Variants in ATG10 observed in about 807,000 individuals in gnomAD.
ATG10 encodes ubiquitin-like-conjugating enzyme ATG10.
In ATG10, 30 loss-of-function variants were observed where a neutral mutation model predicts 32.1. The observed-to-expected ratio is 0.94, with a 90% CI of 0.70 to 1.27. The LOEUF is 1.27. ATG10 is among the 50% of genes most tolerant of loss of function. ATG10 has a pLI of 0.00. For synonymous variants in ATG10, 87 were observed against 91.5 expected (o/e 0.95, Z 0.28); for missense variants, 233 against 262.3 (o/e 0.89, Z 0.77).
chr5:82,083,383 C>G (rs1201557410), intron 3 of ATG10, among the ~76,000 whole-genome samples: 1 of 152,216 alleles, frequency 6.6e-6, no homozygotes, highest in African/African-American at 2.4e-5. Context: ...CTGCCTGCCT[C>G]TGTAGACTCC....
intron 5 of ATG10, among the ~76,000 whole-genome samples, chr5:82,191,380 T>C (rs1744654047): frequency 6.6e-6 from 1 of 152,206 alleles, no homozygotes; most frequent in Non-Finnish European, 1.5e-5. Context: ...AGGGCTGGGC[T>C]TTTCTTTGTA....
intron 2 of ATG10, among the ~76,000 whole-genome samples, chr5:82,007,311 A>C (rs1224815607): frequency 4.6e-5 from 7 of 152,210 alleles, no homozygotes; most frequent in Admixed American, 3.9e-4. Context: ...TTATTTCTGA[A>C]ATACATTATT....
intron 5 of ATG10, among the ~76,000 whole-genome samples, chr5:82,212,065 C>T (rs914761446): frequency 2.6e-5 from 4 of 152,196 alleles, no homozygotes; most frequent in Non-Finnish European, 4.4e-5. Flanking sequence ...TTCTATTCCC[C>T]TCCTCTAGTA....
chr5:82,245,594 T>C (rs1402958707), intron 5 of ATG10, among the ~76,000 whole-genome samples: 1 of 152,190 alleles, frequency 6.6e-6, no homozygotes, highest in Non-Finnish European at 1.5e-5. Context: ...TAGGCTTAAA[T>C]CAATTTAAAA....
chr5:82,199,732 G>C (rs1167211648), intron 5 of ATG10, among the ~76,000 whole-genome samples: 1 of 152,174 alleles, frequency 6.6e-6, no homozygotes, highest in Non-Finnish European at 1.5e-5. Context: ...AAAATGCAGA[G>C]ATGTGTAACT....
intron 3 of ATG10, among the ~76,000 whole-genome samples, chr5:82,162,318 C>A (rs530306181): frequency 9.2e-5 from 14 of 152,054 alleles, no homozygotes; most frequent in African/African-American, 3.4e-4. Flanking sequence ...AACCAAGAAA[C>A]TAGGAATTAA....
At chr5:82,173,943 G>C (rs1743905791) in intron 4 of ATG10, among the ~76,000 whole-genome samples, 1 of 152,130 alleles carries the variant, frequency 6.6e-6, no homozygotes, top group Admixed American at 6.6e-5. Context: ...TCATAAATAA[G>C]TGGATATGTA....
chr5:82,012,466 TA>T (rs371171392), intron 2 of ATG10, among the ~76,000 whole-genome samples: 1 of 152,212 alleles, frequency 6.6e-6, no homozygotes, highest in Non-Finnish European at 1.5e-5. Flanking sequence ...AATAACTACA[TA>T]TTTTTTTAGA....
chr5:82,057,972 G>T (rs1763653884), intron 2 of ATG10, among the ~76,000 whole-genome samples: 1 of 152,156 alleles, frequency 6.6e-6, no homozygotes, highest in Non-Finnish European at 1.5e-5. Flanking sequence ...AAATGGAAAT[G>T]ACCGCTGTGT....
chr5:82,195,468 A>T (rs1744817652), intron 5 of ATG10, among the ~76,000 whole-genome samples: 1 of 152,206 alleles, frequency 6.6e-6, no homozygotes, highest in Non-Finnish European at 1.5e-5. Context: ...GGGTCAGCCC[A>T]GAGGAGATCT....
At chr5:81,989,071 A>T (rs909697125) in intron 2 of ATG10, among the ~76,000 whole-genome samples, 1 of 151,514 alleles carries the variant, frequency 6.6e-6, no homozygotes, top group Non-Finnish European at 1.5e-5. Context: ...ACCTTAAGCC[A>T]CCCTGCCTCA....
At chr5:82,149,073 C>T (rs766584887) in intron 3 of ATG10, among the ~76,000 whole-genome samples, 2 of 152,024 alleles carry the variant, frequency 1.3e-5, no homozygotes, top group Non-Finnish European at 2.9e-5. Context: ...ACACTTTAAA[C>T]TCTAGTTCTG....
intron 2 of ATG10, among the ~76,000 whole-genome samples, chr5:82,048,449 G>C (rs1167168987): frequency 6.6e-6 from 1 of 151,808 alleles, no homozygotes; most frequent in Non-Finnish European, 1.5e-5. Flanking sequence ...TTGTAAGTTG[G>C]ATTCCTAGGT....
chr5:82,174,559 T>A (rs935872738), intron 4 of ATG10, among the ~76,000 whole-genome samples: 2 of 147,882 alleles, frequency 1.4e-5, no homozygotes, highest in African/African-American at 5.3e-5. Flanking sequence ...ATAAGTATAA[T>A]TTTTTTTCCT....
At chr5:82,082,884 A>G (rs944870045) in intron 3 of ATG10, among the ~76,000 whole-genome samples, 2 of 152,206 alleles carry the variant, frequency 1.3e-5, no homozygotes, top group Non-Finnish European at 2.9e-5. Context: ...GAAGGTTCCA[A>G]CATGGCCGAA....
At position 82,252,629 on chromosome 5, in the gene ATG10, C is replaced by T; in HGVS notation, c.521C>T (p.Pro174Leu). 6.2e-7 allele frequency: 1 copy of T among 1,601,976 alleles called. No homozygotes were observed. Among genetic ancestry groups the T allele is most frequent in the Non-Finnish European group, 8.5e-7 (1 of 1,174,418 alleles). ...TGCAAGACGAATGAATTCATGACTC[C>T]TGTATTAAAGAATTCTCAGAAAATC... ...HPCKTNEFMT[P>L]VLKNSQKINK... The change falls in exon 6 of 8, where the codon CCT (proline) becomes CTT (leucine). Residue 174 changes from proline (P) to leucine (L), a missense_variant. Physicochemically the swap from Pro to Leu is moderately conservative, Grantham distance 98. Coordinates refer to ENST00000282185, the MANE Select transcript of ATG10 (RefSeq NM_031482.5).
intron 2 of ATG10, among the ~76,000 whole-genome samples, chr5:82,003,700 A>T (rs1371803324): frequency 6.6e-6 from 1 of 152,252 alleles, no homozygotes; most frequent in Non-Finnish European, 1.5e-5. Context: ...AGTTTATAGG[A>T]CATCAACTCC....
chr5:82,228,746 T>C (rs899580406), intron 5 of ATG10, among the ~76,000 whole-genome samples: 1 of 152,200 alleles, frequency 6.6e-6, no homozygotes, highest in Non-Finnish European at 1.5e-5. Flanking sequence ...AGAGGTGAAC[T>C]TGTGTACCTG....
chr5:82,010,191 A>G, intron 2 of ATG10: 3 of 978,454 alleles, frequency 3.1e-6, no homozygotes, highest in Non-Finnish European at 4.7e-6. Context: ...CCAAGTACAG[A>G]CAAAATTCTG....
Sources: allele counts gnomAD v4.1 joint callset (sites outside exome capture counted in the v4.1 genomes callset), GRCh38; gene constraint gnomAD v4.1.1; transcripts MANE v1.5; gene names NCBI Gene and HGNC (gene_info 2026-07-23, HGNC 2026-07-21).